Variants in AMMECR1 observed in about 807,000 individuals in gnomAD.
AMMECR1 encodes the protein AMMECR nuclear protein 1.
Under a neutral mutation model 22.5 loss-of-function variants are expected in AMMECR1, and 3 were observed. The ratio of observed to expected loss-of-function variants is 0.13; its 90% CI spans 0.06 to 0.35. AMMECR1 has a LOEUF of 0.35. AMMECR1 is among the 10% of genes least tolerant of loss of function. The pLI, the probability that AMMECR1 is intolerant of heterozygous loss-of-function variation, is 1.00. For missense variants in AMMECR1, 235 were observed against 278.7 expected (o/e 0.84, Z 1.12); for synonymous variants, 130 against 116.7 (o/e 1.11, Z -0.74).
At chrX:110,339,020 T>C (rs775702727) in intron 2 of AMMECR1, among the ~76,000 whole-genome samples, 15 of 111,631 alleles carry the variant, frequency 1.3e-4, no homozygotes, top group African/African-American at 3.6e-4. Context: ...AAGTAATTGG[T>C]GAAATGAAAA....
chrX:110,351,362 C>G (rs2148243292), intron 2 of AMMECR1, among the ~76,000 whole-genome samples: 1 of 112,192 alleles, frequency 8.9e-6, no homozygotes, highest in South Asian at 3.7e-4. Flanking sequence ...AAAGCTACAA[C>G]AATCAGTATG....
rs760424429 is a variant in AMMECR1 at position 110,318,024 on chromosome X, C to A, written c.48G>T (p.Ser16=). The change falls in exon 1 of 6, where the codon TCG becomes TCT. Residue 16 remains serine (S), a synonymous_variant. Coordinates refer to ENST00000262844, the MANE Select transcript of AMMECR1 (RefSeq NM_015365.3). ...CACCGCCACCCGAGCCAGAGGGGGG[C>A]GAACTGGACAGTTTCTGCTTCTTCA... ...CGVKKQKLSS[S]PPSGSGGGGG... is the part of the protein sequence containing the mutation. The A allele has an allele frequency of 1.7e-6, 2 of 1,206,023 alleles. No individual in the cohort carries two copies. The highest frequency in any genetic ancestry group is 5.0e-4 in the Middle Eastern group (2 of 3,978).
At chrX:110,360,702 C>T (rs1389047762) in intron 2 of AMMECR1, among the ~76,000 whole-genome samples, 2 of 110,947 alleles carry the variant, frequency 1.8e-5, no homozygotes, top group African/African-American at 6.6e-5. Context: ...AGGGGAAGGA[C>T]AAATGAGATG....
chrX:110,360,513 T>C (rs767629324), intron 2 of AMMECR1, among the ~76,000 whole-genome samples: 5 of 111,509 alleles, frequency 4.5e-5, no homozygotes, highest in African/African-American at 1.3e-4. Context: ...GTGGACAGAA[T>C]TGAGTTATAT....
chrX:110,364,650 A>G (rs2068285203), intron 2 of AMMECR1, among the ~76,000 whole-genome samples: 1 of 111,808 alleles, frequency 8.9e-6, no homozygotes, highest in African/African-American at 3.3e-5. Context: ...AATGGAAAAA[A>G]TTGAGTTTTG....
chrX:110,221,125 T>C (rs1053173892), intron 2 of AMMECR1, among the ~76,000 whole-genome samples: 1 of 112,316 alleles, frequency 8.9e-6, no homozygotes. Context: ...GACAAGGAAG[T>C]AATTAAAACC....
chrX:110,386,528 T>C (rs2068456353), intron 2 of AMMECR1, among the ~76,000 whole-genome samples: 2 of 111,120 alleles, frequency 1.8e-5, no homozygotes, highest in Admixed American at 1.9e-4. Context: ...CATTTTTAAA[T>C]TGGGTTGTCA....
At chrX:110,213,225 C>T (rs974645715) in intron 3 of AMMECR1, among the ~76,000 whole-genome samples, 1 of 112,013 alleles carries the variant, frequency 8.9e-6, no homozygotes, top group Non-Finnish European at 1.9e-5. Context: ...TTTCTCACCA[C>T]TCCAAATGGC....
intron 2 of AMMECR1, among the ~76,000 whole-genome samples, chrX:110,350,537 T>C (rs1266068297): frequency 1.8e-5 from 2 of 112,089 alleles, no homozygotes; most frequent in Admixed American, 9.5e-5. Context: ...CTTGATCTTA[T>C]ACATAGAAAA....
In AMMECR1 at chrX:110,210,062, G is replaced by A. The variant is rs190620295; in HGVS notation, c.699+6456C>T. The stretch of plus-strand genomic sequence containing the variant: ...GCCTGAGAAGGGACTAATCAGCAGC[G>A]CATTTTGCTAAGAGAACCAACAGCT... On this transcript the variant is annotated intron_variant, in intron 3 of 5. Coordinates refer to ENST00000262844, the MANE Select transcript of AMMECR1 (RefSeq NM_015365.3). Among the ~76,000 whole-genome samples the A allele has an allele frequency of 5.0e-3, 557 of 110,661 alleles. 5 individuals carry two copies. The highest frequency in any genetic ancestry group is 0.017 in the African/African-American group (512 of 30,401).
intron 1 of AMMECR1, among the ~76,000 whole-genome samples, chrX:110,433,572 T>A (rs1180993078): frequency 8.9e-6 from 1 of 111,762 alleles, no homozygotes; most frequent in Non-Finnish European, 1.9e-5. Flanking sequence ...GTCATTTGTA[T>A]TATGCTTATC....
chrX:110,307,237 T>C (rs1203026793), intron 1 of AMMECR1: 3 of 102,640 alleles, frequency 2.9e-5, no homozygotes, highest in Middle Eastern at 4.9e-3. Context: ...TGGAGCAAGA[T>C]TCTGTCTCCA....
chrX:110,215,340 G>GT (rs201054585), intron 3 of AMMECR1, among the ~76,000 whole-genome samples: 1,215 of 110,919 alleles, frequency 0.011, 16 homozygotes, highest in African/African-American at 0.038. Flanking sequence ...ATATCATAGA[G>GT]TTTTTTTTCA....
chrX:110,312,243 A>G (rs756192178), intron 1 of AMMECR1, among the ~76,000 whole-genome samples: 8 of 112,743 alleles, frequency 7.1e-5, no homozygotes, highest in Non-Finnish European at 1.5e-4. Context: ...CAAAAATATA[A>G]TCCACTACAG....
chrX:110,379,019 A>G (rs1162760675), intron 2 of AMMECR1, among the ~76,000 whole-genome samples: 1 of 111,599 alleles, frequency 9.0e-6, no homozygotes, highest in African/African-American at 3.3e-5. Flanking sequence ...GGGCCTGCTC[A>G]CTCTGGCCCT....
chrX:110,340,016 A>G (rs12396894), intron 2 of AMMECR1, among the ~76,000 whole-genome samples: 1 of 108,181 alleles, frequency 9.2e-6, no homozygotes, highest in South Asian at 4.0e-4. Flanking sequence ...ACACACACAC[A>G]CACAACATAT....
At chrX:110,436,805 A>G (rs1318989862) in intron 1 of AMMECR1, among the ~76,000 whole-genome samples, 1 of 112,063 alleles carries the variant, frequency 8.9e-6, no homozygotes, top group Non-Finnish European at 1.9e-5. Flanking sequence ...TTGGAGGAGG[A>G]GAGCAGCTAT....
At chrX:110,357,765 C>T (rs746583648) in intron 2 of AMMECR1, among the ~76,000 whole-genome samples, 1 of 111,626 alleles carries the variant, frequency 9.0e-6, no homozygotes, top group Non-Finnish European at 1.9e-5. Flanking sequence ...ATGCTCTTCC[C>T]TGTGGGTGCA....
chrX:110,224,947 AT>A (rs2067524462), intron 2 of AMMECR1: 1 of 347,138 alleles, frequency 2.9e-6, no homozygotes, highest in Non-Finnish European at 5.4e-6. Context: ...TTTTTTTAAA[AT>A]TAGTTTTTCG....
Sources: allele counts gnomAD v4.1 joint callset (sites outside exome capture counted in the v4.1 genomes callset), GRCh38; gene constraint gnomAD v4.1.1; transcripts MANE v1.5; gene names NCBI Gene and HGNC (gene_info 2026-07-23, HGNC 2026-07-21).